Variants in PHLPP1 observed in about 807,000 individuals in gnomAD.
PHLPP1 encodes PH domain leucine-rich repeat-containing protein phosphatase 1.
In PHLPP1, 42 loss-of-function variants were observed where a neutral mutation model predicts 117.2. The observed-to-expected ratio is 0.36, with a 90% CI of 0.28 to 0.46. PHLPP1 has a LOEUF of 0.46. PHLPP1 is among the 20% of genes least tolerant of loss of function. The probability of loss-of-function intolerance (pLI) is 1.00; values close to 1 mark genes in which losing one functional copy is unlikely to be tolerated. For missense variants in PHLPP1, 2,084 were observed against 2,241.9 expected, an observed-to-expected ratio of 0.93 and a Z score of 1.42; for synonymous variants, 1,042 against 970.7, an observed-to-expected ratio of 1.07 and a Z score of -1.37.
intron 1 of PHLPP1, among the ~76,000 whole-genome samples, chr18:62,810,300 A>G (rs894142555): frequency 2.0e-5 from 3 of 152,166 alleles, no homozygotes; most frequent in Non-Finnish European, 2.9e-5. Context: ...TTCCCTAGCA[A>G]TCTATTTGGA....
At chr18:62,820,782 A>G (rs911087427) in intron 1 of PHLPP1, among the ~76,000 whole-genome samples, 1 of 152,244 alleles carries the variant, frequency 6.6e-6, no homozygotes, top group African/African-American at 2.4e-5. Flanking sequence ...AAACTAATAC[A>G]AACATTAACC....
intron 1 of PHLPP1, among the ~76,000 whole-genome samples, chr18:62,752,256 C>T (rs988615401): frequency 5.3e-5 from 8 of 152,160 alleles, no homozygotes; most frequent in South Asian, 4.1e-4. Context: ...CCCCCGCGCC[C>T]CCACCCAGTA....
chr18:62,884,721 A>C (rs1916245922), intron 4 of PHLPP1, among the ~76,000 whole-genome samples: 1 of 152,222 alleles, frequency 6.6e-6, no homozygotes, highest in African/African-American at 2.4e-5. Context: ...TTACCTAGGG[A>C]GTCTTTTTAA....
rs183346655 is a variant in PHLPP1, at chr18:62,804,803, A to G, written c.1577-25232A>G. ...TATATGTAAACACACATATACATAC[A>G]CACAGTATAATATACACTGTATATA... On this transcript the variant is annotated intron_variant, in intron 1 of 16. Coordinates refer to ENST00000262719, the MANE Select transcript of PHLPP1 (RefSeq NM_194449.4). 5.3e-3 allele frequency among the ~76,000 whole-genome samples: 796 copies of G among 150,674 alleles called. 12 individuals are homozygous for G. The highest frequency in any genetic ancestry group is 0.018 in the African/African-American group (747 of 41,086).
chr18:62,808,718 AT>A (rs1283841525), intron 1 of PHLPP1, among the ~76,000 whole-genome samples: 2 of 151,832 alleles, frequency 1.3e-5, no homozygotes, highest in African/African-American at 4.8e-5. Context: ...AGCCCGGCTA[AT>A]TTTTTTATAT....
At chr18:62,971,940 G>A (rs1025337041) in intron 14 of PHLPP1, among the ~76,000 whole-genome samples, 2 of 152,116 alleles carry the variant, frequency 1.3e-5, no homozygotes, top group African/African-American at 4.8e-5. Flanking sequence ...GGAGGCTGAG[G>A]TGGGAGAATC....
intron 12 of PHLPP1, among the ~76,000 whole-genome samples, chr18:62,949,414 C>T (rs1454655089): frequency 6.6e-6 from 1 of 152,204 alleles, no homozygotes; most frequent in African/African-American, 2.4e-5. Flanking sequence ...AGACTATTTG[C>T]ACCATCTAAT....
intron 10 of PHLPP1, among the ~76,000 whole-genome samples, chr18:62,929,688 G>A (rs910060762): frequency 2.6e-5 from 4 of 152,308 alleles, no homozygotes; most frequent in Middle Eastern, 6.8e-3. Context: ...TGGCTCATGC[G>A]TGTTGTCCTA....
At chr18:62,964,999 A>G (rs759145059) in intron 14 of PHLPP1, among the ~76,000 whole-genome samples, 4 of 152,210 alleles carry the variant, frequency 2.6e-5, no homozygotes, top group Non-Finnish European at 5.9e-5. Context: ...AATTCTTGCA[A>G]AGTGAACACA....
At chr18:62,725,659 A>G (rs968162184) in intron 1 of PHLPP1, among the ~76,000 whole-genome samples, 1 of 152,204 alleles carries the variant, frequency 6.6e-6, no homozygotes, top group Non-Finnish European at 1.5e-5. Context: ...AGAGAAAGAA[A>G]TATCCTGCTC....
chr18:62,848,199 G>A (rs1329136159), intron 3 of PHLPP1, among the ~76,000 whole-genome samples: 1 of 152,080 alleles, frequency 6.6e-6, no homozygotes, highest in Non-Finnish European at 1.5e-5. Flanking sequence ...AAGTGAATTA[G>A]TTACCCATTT....
intron 1 of PHLPP1, among the ~76,000 whole-genome samples, chr18:62,723,629 A>G (rs1910985210): frequency 6.6e-6 from 1 of 152,154 alleles, no homozygotes. Context: ...CTTTTCAAAT[A>G]CCAGGCATGT....
intron 3 of PHLPP1, among the ~76,000 whole-genome samples, chr18:62,857,799 G>A (rs980326506): frequency 6.6e-6 from 1 of 152,120 alleles, no homozygotes; most frequent in African/African-American, 2.4e-5. Flanking sequence ...CTCATTCAGG[G>A]CAGAGACTGT....
At chr18:62,920,591 AC>A (rs2144426209) in intron 10 of PHLPP1, among the ~76,000 whole-genome samples, 1 of 151,998 alleles carries the variant, frequency 6.6e-6, no homozygotes, top group African/African-American at 2.4e-5. Flanking sequence ...ACAGAGTCGC[AC>A]TCTGTCGCCT....
intron 1 of PHLPP1, among the ~76,000 whole-genome samples, chr18:62,764,559 C>T (rs1057285329): frequency 2.6e-5 from 4 of 152,176 alleles, no homozygotes; most frequent in African/African-American, 7.2e-5. Context: ...CGAGATCAGC[C>T]TGGCCAACAT....
intron 10 of PHLPP1, among the ~76,000 whole-genome samples, chr18:62,927,872 T>A (rs1909686647): frequency 6.6e-6 from 1 of 151,788 alleles, no homozygotes; most frequent in South Asian, 2.1e-4. Flanking sequence ...TGAAAAAGAG[T>A]ATCGATTGGA....
At position 62,774,407 on chromosome 18, in the gene PHLPP1, C is replaced by G. The variant is rs8087170; in HGVS notation, c.1577-55628C>G. ...TGGGTTTTTGACCTTGGGAAGGTCA[C>G]TTGACCTCTCTGAGCCTTTCGTTTT... On this transcript the variant is annotated intron_variant, in intron 1 of 16. Transcript: ENST00000262719. Among the ~76,000 whole-genome samples, 1,301 of 152,318 alleles carry G rather than the reference C, an allele frequency of 8.5e-3. 10 individuals carry two copies. The highest frequency in any genetic ancestry group is 0.013 in the Non-Finnish European group (913 of 68,030).
At chr18:62,876,144 G>A (rs1490235869) in intron 4 of PHLPP1, among the ~76,000 whole-genome samples, 2 of 152,080 alleles carry the variant, frequency 1.3e-5, no homozygotes, top group African/African-American at 4.8e-5. Flanking sequence ...AAAACCTTAC[G>A]TAGAAAAATG....
intron 1 of PHLPP1, among the ~76,000 whole-genome samples, chr18:62,718,284 C>T (rs1008808492): frequency 1.3e-5 from 2 of 152,186 alleles, no homozygotes; most frequent in South Asian, 2.1e-4. Flanking sequence ...GTTAACTCTT[C>T]GCTAACTTTA....
Sources: gnomAD v4.1 joint callset for allele counts (sites outside exome capture counted in the v4.1 genomes callset) on GRCh38, gnomAD v4.1.1 for gene constraint, MANE v1.5 for transcripts, NCBI Gene and HGNC (gene_info 2026-07-23, HGNC 2026-07-21) for gene names.